ZNF385D: variants seen among roughly 807,000 people sequenced by gnomAD.
ZNF385D encodes zinc finger protein 385D, also known as zinc finger protein 659.
A neutral mutation model predicts 35.8 loss-of-function variants in ZNF385D; 15 were observed. The ratio of observed to expected loss-of-function variants is 0.42; its 90% CI spans 0.28 to 0.64. The LOEUF (loss-of-function observed/expected upper bound fraction) is 0.64. ZNF385D is among the 30% of genes least tolerant of loss of function. The pLI is 0.23. For synonymous variants in ZNF385D, 212 were observed against 186.8 expected, an observed-to-expected ratio of 1.13 and a Z score of -1.10; for missense variants, 474 against 494.6, an observed-to-expected ratio of 0.96 and a Z score of 0.39.
chr3:21,513,835 A>G (rs1188144630), intron 3 of ZNF385D, among the ~76,000 whole-genome samples: 1 of 152,170 alleles, frequency 6.6e-6, no homozygotes, highest in Non-Finnish European at 1.5e-5. Context: ...ATTTATCTAT[A>G]GTGACGCCAT....
At chr3:21,596,410 A>G (rs1192830716) in intron 2 of ZNF385D, among the ~76,000 whole-genome samples, 3 of 152,306 alleles carry the variant, frequency 2.0e-5, no homozygotes, top group South Asian at 2.1e-4. Flanking sequence ...CAAATAGTCT[A>G]CAAGCTGAAT....
intron 4 of ZNF385D, among the ~76,000 whole-genome samples, chr3:21,451,523 C>A (rs965053172): frequency 6.6e-6 from 1 of 151,636 alleles, no homozygotes; most frequent in Admixed American, 6.6e-5. Context: ...CAAGTTAGTC[C>A]AACAATCTAG....
At chr3:22,224,923 T>C (rs1395252286) in intron 2 of ZNF385D, among the ~76,000 whole-genome samples, 1 of 152,192 alleles carries the variant, frequency 6.6e-6, no homozygotes, top group Non-Finnish European at 1.5e-5. Flanking sequence ...TTTTTTACTA[T>C]GTCTTCCTTG....
chr3:21,974,346 G>A (rs1559807142), intron 3 of ZNF385D, among the ~76,000 whole-genome samples: 1 of 151,986 alleles, frequency 6.6e-6, no homozygotes, highest in African/African-American at 2.4e-5. Context: ...TTCAATAAGT[G>A]GTGCTGGGAA....
rs565595041 is a variant in ZNF385D, at chr3:21,502,813, C to A, written c.439+8048G>T. Among the ~76,000 whole-genome samples, 449 of 152,262 alleles carry A rather than the reference C, an allele frequency of 2.9e-3. 2 individuals are homozygous for A. The highest frequency in any genetic ancestry group is 7.9e-3 in the South Asian group (38 of 4,822). On this transcript the variant is annotated intron_variant, in intron 4 of 7. Coordinates refer to ENST00000281523, the MANE Select transcript of ZNF385D (RefSeq NM_024697.3). Reference sequence around the variant, plus strand: ...CACTTGATAAAATCTCTTTCTTTGACCAATCTGAAGCATGTCATGAGCCAG... The same window carrying A: ...CACTTGATAAAATCTCTTTCTTTGAACAATCTGAAGCATGTCATGAGCCAG...
chr3:22,026,554 C>T (rs901578598), intron 3 of ZNF385D, among the ~76,000 whole-genome samples: 1 of 152,118 alleles, frequency 6.6e-6, no homozygotes, highest in Non-Finnish European at 1.5e-5. Flanking sequence ...TAGCTCAGGT[C>T]CTACTTACAG....
At chr3:21,670,646 AGGCGCCCCCCCCC>A (rs1559505302) in intron 1 of ZNF385D, among the ~76,000 whole-genome samples, 1 of 49,596 alleles carries the variant, frequency 2.0e-5, no homozygotes, top group African/African-American at 8.5e-5. Context: ...TGAAATCCTA[AGGCGCCCCCCCCC>A]CCCCCCCCCC....
chr3:21,583,504 G>C (rs1253670308), intron 2 of ZNF385D, among the ~76,000 whole-genome samples: 1 of 152,108 alleles, frequency 6.6e-6, no homozygotes, highest in African/African-American at 2.4e-5. Context: ...AACCTTCCCA[G>C]TCCAGAGGTA....
chr3:21,963,180 C>T (rs1559795806), intron 3 of ZNF385D, among the ~76,000 whole-genome samples: 1 of 152,122 alleles, frequency 6.6e-6, no homozygotes, highest in Non-Finnish European at 1.5e-5. Flanking sequence ...TGAAGCAAAC[C>T]GGATGTTCCA....
At chr3:22,138,294 T>C (rs1704279560) in intron 3 of ZNF385D, among the ~76,000 whole-genome samples, 1 of 152,196 alleles carries the variant, frequency 6.6e-6, no homozygotes, top group African/African-American at 2.4e-5. Flanking sequence ...AATGACTTTC[T>C]TCACAGAATT....
chr3:22,204,861 T>C (rs576951212), intron 2 of ZNF385D, among the ~76,000 whole-genome samples: 2 of 147,940 alleles, frequency 1.4e-5, no homozygotes, highest in Non-Finnish European at 3.0e-5. Context: ...CTACAAGATC[T>C]AGAAAATAGC....
intron 2 of ZNF385D, among the ~76,000 whole-genome samples, chr3:21,615,751 T>C (rs1440390320): frequency 6.6e-6 from 1 of 151,338 alleles, no homozygotes; most frequent in Non-Finnish European, 1.5e-5. Flanking sequence ...GCCTCCCCTA[T>C]CTAATTTCTG....
At chr3:22,364,624 T>C (rs1422470045) in intron 2 of ZNF385D, among the ~76,000 whole-genome samples, 1 of 152,080 alleles carries the variant, frequency 6.6e-6, no homozygotes, top group Non-Finnish European at 1.5e-5. Context: ...GTGGAAAAAT[T>C]AGAAAACTTG....
At chr3:22,068,083 T>C (rs888390231) in intron 3 of ZNF385D, among the ~76,000 whole-genome samples, 2 of 152,300 alleles carry the variant, frequency 1.3e-5, no homozygotes, top group Middle Eastern at 3.4e-3. Flanking sequence ...GAAATTGAAA[T>C]AGAAATTAAC....
At chr3:21,977,465 T>C (rs1005967526) in intron 3 of ZNF385D, among the ~76,000 whole-genome samples, 1 of 151,930 alleles carries the variant, frequency 6.6e-6, no homozygotes, top group Admixed American at 6.6e-5. Context: ...GGGAGAGAAG[T>C]TCAAAGATGA....
Position 21,421,420 on chromosome 3 carries a change from A to G in ZNF385D, c.982T>C (p.Ser328Pro). 6.2e-7 allele frequency: 1 copy of G among 1,613,446 alleles called. No individual in the cohort carries two copies. The highest frequency in any genetic ancestry group is 8.5e-7 in the Non-Finnish European group (1 of 1,179,560). Reference protein sequence around the residue: ...GVKLVFSKEPSKPLAPRILPN... With the variant: ...GVKLVFSKEPPKPLAPRILPN... The stretch of plus-strand genomic sequence containing the variant: ...AGAATTCGTGGAGCCAATGGCTTTG[A>G]AGGTTCTTTTGAAAATACTAATTTT... Residue 328 changes from serine (S) to proline (P), a missense_variant, in exon 8 of 8, where the codon TCA becomes CCA. By Grantham distance (74) the Ser-to-Pro change is moderately conservative. Coordinates refer to ENST00000281523, the MANE Select transcript of ZNF385D (RefSeq NM_024697.3).
At chr3:22,210,148 T>G (rs1697426906) in intron 2 of ZNF385D, among the ~76,000 whole-genome samples, 1 of 151,742 alleles carries the variant, frequency 6.6e-6, no homozygotes, top group Non-Finnish European at 1.5e-5. Context: ...AGTGAAAGAG[T>G]CATTGTATGA....
chr3:22,326,074 CTCTT>C (rs1228274062), intron 2 of ZNF385D, among the ~76,000 whole-genome samples: 1 of 152,318 alleles, frequency 6.6e-6, no homozygotes, highest in South Asian at 2.1e-4. Context: ...TTTCCCCTCT[CTCTT>C]CCACTTTTCC....
chr3:21,616,895 A>G (rs2064862560), intron 2 of ZNF385D, among the ~76,000 whole-genome samples: 1 of 152,220 alleles, frequency 6.6e-6, no homozygotes, highest in South Asian at 2.1e-4. Context: ...TGAAAATGCA[A>G]TAGAGTTCTT....
Sources: gnomAD v4.1 joint callset for allele counts (sites outside exome capture counted in the v4.1 genomes callset) on GRCh38, gnomAD v4.1.1 for gene constraint, MANE v1.5 for transcripts, NCBI Gene and HGNC (gene_info 2026-07-23, HGNC 2026-07-21) for gene names.